Variants in APC observed in about 807,000 individuals in gnomAD.
APC encodes the protein adenomatous polyposis coli protein.
APC carries 72 observed loss-of-function variants against 247.0 expected under a neutral mutation model. That is an observed-to-expected ratio of 0.29 (90% CI 0.24 to 0.35). The LOEUF (loss-of-function observed/expected upper bound fraction) is 0.35. Among genes scored for constraint, APC ranks in the 10% least tolerant of loss-of-function variants. The pLI, the probability that APC is intolerant of heterozygous loss-of-function variation, is 1.00. For missense variants in APC, 3,400 were observed against 3,360.7 expected, an observed-to-expected ratio of 1.01 and a Z score of -0.29; for synonymous variants, 1,254 against 1,162.5, an observed-to-expected ratio of 1.08 and a Z score of -1.60.
intron 1 of APC, chr5:112,707,963 G>A (rs1318307942): frequency 2.4e-6 from 3 of 1,262,986 alleles, no homozygotes; most frequent in Non-Finnish European, 3.1e-6. Flanking sequence ...GGACCCTACG[G>A]TGCTCGGCCC....
intron 7 of APC, among the ~76,000 whole-genome samples, chr5:112,794,736 A>T (rs946769097): frequency 6.6e-6 from 1 of 152,224 alleles, no homozygotes; most frequent in Non-Finnish European, 1.5e-5. Context: ...GCCAGCCACA[A>T]ATGTTGAGTA....
At chr5:112,709,657 T>C (rs1039555390) in intron 1 of APC, among the ~76,000 whole-genome samples, 30 of 152,254 alleles carry the variant, frequency 2.0e-4, no homozygotes, top group African/African-American at 7.2e-4. Flanking sequence ...TCCAGCACTT[T>C]GGGAGAGGCC....
chr5:112,743,901 T>TC (rs1351080957), intron 1 of APC, among the ~76,000 whole-genome samples: 5 of 152,176 alleles, frequency 3.3e-5, no homozygotes, highest in African/African-American at 1.2e-4. Context: ...TTGGTTTTTT[T>TC]CCCTCTGTTG....
At chr5:112,817,722 A>G (rs1432153460) in intron 9 of APC, among the ~76,000 whole-genome samples, 2 of 152,190 alleles carry the variant, frequency 1.3e-5, no homozygotes, top group African/African-American at 4.8e-5. Flanking sequence ...CTACTGTCCT[A>G]TACATGTATT....
chr5:112,711,230 T>C (rs1222700637), intron 1 of APC, among the ~76,000 whole-genome samples: 1 of 152,216 alleles, frequency 6.6e-6, no homozygotes, highest in Non-Finnish European at 1.5e-5. Flanking sequence ...GCCAACCTTG[T>C]TTTGAACTGC....
Position 112,845,758 on chromosome 5 carries a change from A to G in APC, c.*1632A>G, listed in dbSNP as rs1488820430. 4.3e-6 allele frequency: 1 copy of G among 232,034 alleles called. No individual in the cohort carries two copies. Among genetic ancestry groups the G allele is most frequent in the Non-Finnish European group, 8.5e-6 (1 of 117,362 alleles). The allele number at this position is 232,034 out of a possible 1,614,324, so 14.4% of individuals were successfully genotyped here. ...TATTAACTAAGATAATTTACTTAAT[A>G]TATCTTCCCTGATTTGTTTTAAAAG... is the stretch of plus-strand genomic sequence containing the variant. On this transcript the variant is annotated 3_prime_UTR_variant, in exon 16 of 16. Coordinates refer to ENST00000257430, the MANE Select transcript of APC (RefSeq NM_000038.6).
intron 8 of APC, among the ~76,000 whole-genome samples, chr5:112,807,600 G>A (rs974864582): frequency 6.7e-5 from 10 of 150,212 alleles, no homozygotes; most frequent in Non-Finnish European, 1.5e-4. Flanking sequence ...TCTGGTAATA[G>A]CCAGTATATA....
chr5:112,749,477 C>A (rs1377976245), intron 1 of APC, among the ~76,000 whole-genome samples: 18 of 130,818 alleles, frequency 1.4e-4, no homozygotes, highest in Non-Finnish European at 3.2e-5. Context: ...CTTACTGCTC[C>A]AATTTTTTTT....
At chr5:112,788,900 CA>C (rs962019851) in intron 6 of APC, among the ~76,000 whole-genome samples, 5 of 152,108 alleles carry the variant, frequency 3.3e-5, no homozygotes, top group African/African-American at 1.2e-4. Flanking sequence ...CCAGTCCTTA[CA>C]GCGTTTTTTC....
chr5:112,802,067 G>T (rs1368811683), intron 8 of APC, among the ~76,000 whole-genome samples: 3 of 151,890 alleles, frequency 2.0e-5, no homozygotes, highest in Non-Finnish European at 4.4e-5. Context: ...TTTCTTCAAT[G>T]AATATTTTTA....
intron 14 of APC, chr5:112,829,590 A>C (rs1221179690): frequency 2.6e-5 from 4 of 153,680 alleles, no homozygotes; most frequent in Non-Finnish European, 5.8e-5. Flanking sequence ...TTGACCAGAT[A>C]ATTCTTCGTT....
At chr5:112,835,315 C>T (rs1764765989) in intron 15 of APC, 150 bp downstream of exon 15, 1 of 743,104 alleles carries the variant, frequency 1.3e-6, no homozygotes, top group Non-Finnish European at 2.2e-6. Context: ...CTTAGTTTAA[C>T]TCATTAGTGT....
chr5:112,841,350 A>G lies in APC; in HGVS notation c.5756A>G (p.Asn1919Ser), dbSNP rs147740612. The change falls in exon 16 of 16, where the codon AAT becomes AGT. Residue 1919 changes from asparagine to serine, a missense_variant. Physicochemically the swap from Asn to Ser is conservative, Grantham distance 46 (BLOSUM62 1). Around this residue, in one of 9 missense-constraint regions of APC, gnomAD observed 1,788 missense variants for 1,649.5 expected, o/e 1.08. Transcript: ENST00000257430. This position sits in a 1 kb window ranked among gnomAD's most constrained non-coding sequence, Gnocchi z 4.6. ...KTQAIAKQPI[N>S]RGQPKPILQK... Reference sequence around the variant, plus strand: ...CAAGCTATTGCAAAGCAGCCAATAAATCGAGGTCAGCCTAAACCCATACTT... The same window carrying G: ...CAAGCTATTGCAAAGCAGCCAATAAGTCGAGGTCAGCCTAAACCCATACTT... The G allele has an allele frequency of 4.3e-6, 7 of 1,613,792 alleles. No homozygotes were observed. Among genetic ancestry groups the G allele is most frequent in the Non-Finnish European group, 5.9e-6 (7 of 1,179,844 alleles).
At chr5:112,726,678 A>T (rs1006806717) in intron 1 of APC, among the ~76,000 whole-genome samples, 1 of 152,090 alleles carries the variant, frequency 6.6e-6, no homozygotes, top group Admixed American at 6.5e-5. Flanking sequence ...TCCTCTACCC[A>T]GTATTTCCCT....
rs1057517549 is a variant in APC at position 112,842,559 on chromosome 5, A to G, written c.6965A>G (p.Gln2322Arg). ...PAQQPLSRPIQSPGRNSISPG... is the reference protein window; with the variant it reads ...PAQQPLSRPIRSPGRNSISPG... ...CAGCAACCATTAAGTAGACCTATAC[A>G]GTCTCCTGGCCGAAACTCAATTTCC... The change falls in exon 16 of 16, where the codon CAG becomes CGG. Residue 2322 changes from glutamine (Q) to arginine (R), a missense_variant. Gln to Arg is a conservative substitution (Grantham distance 43). Transcript: ENST00000257430. 3.5e-5 allele frequency: 57 copies of G among 1,613,810 alleles called. No individual in the cohort carries two copies. In the East Asian group the frequency reaches 1.3e-3, roughly 36 times the overall value.
Position 112,838,758 on chromosome 5 carries a change from T to G in APC, c.3164T>G (p.Ile1055Arg), listed in dbSNP as rs1554084780. Residue 1055 changes from isoleucine to arginine, a missense_variant, in exon 16 of 16, where the codon ATA (isoleucine) becomes AGA (arginine). Physicochemically the swap from Ile to Arg is moderately conservative, Grantham distance 97. This residue lies in a region of APC where 715 missense variants were observed against 656.6 expected (regional missense o/e 1.09). Transcript: ENST00000257430. Reference protein sequence around the residue: ...QNERWARPKHIIEDEIKQSEQ... With the variant: ...QNERWARPKHRIEDEIKQSEQ... ...GAAAGATGGGCAAGACCCAAACACA[T>G]AATAGAAGATGAAATAAAACAAAGT... is the stretch of plus-strand genomic sequence containing the variant. 12 of 1,614,014 alleles carry G rather than the reference T, an allele frequency of 7.4e-6. No individual in the cohort carries two copies. The highest frequency in any genetic ancestry group is 9.3e-6 in the Non-Finnish European group (11 of 1,179,990).
At chr5:112,753,302 A>G (rs971104874) in intron 1 of APC, among the ~76,000 whole-genome samples, 1 of 152,108 alleles carries the variant, frequency 6.6e-6, no homozygotes, top group Non-Finnish European at 1.5e-5. Context: ...CCCCTTGCCC[A>G]TTGATCAGAG....
rs1274052355 is a variant in APC, at chr5:112,841,646, C to G, written c.6052C>G (p.Pro2018Ala). The G allele has an allele frequency of 1.2e-6, 2 of 1,613,306 alleles. No homozygotes were observed. The highest frequency in any genetic ancestry group is 1.3e-5 in the African/African-American group (1 of 74,890). ...TAAATCATTTCATGTTGAAGATACCCCAGTTTGTTTCTCAAGAAACAGTTC... is the reference window on the plus strand; with the variant it reads ...TAAATCATTTCATGTTGAAGATACCGCAGTTTGTTTCTCAAGAAACAGTTC... ...APKSFHVEDTPVCFSRNSSLS... is the reference protein window; with the variant it reads ...APKSFHVEDTAVCFSRNSSLS... Residue 2018 changes from proline (P) to alanine (A), a missense_variant, in exon 16 of 16, where the codon CCA (proline) becomes GCA (alanine). Transcript: ENST00000257430. This position sits in a 1 kb window ranked among gnomAD's most constrained non-coding sequence, Gnocchi z 4.6.
intron 8 of APC, among the ~76,000 whole-genome samples, chr5:112,804,763 C>T (rs1374218625): frequency 1.3e-5 from 2 of 151,986 alleles, no homozygotes; most frequent in Admixed American, 6.6e-5. Flanking sequence ...GGAGGCCAAG[C>T]GGGAAGGATT....
Sources: gnomAD v4.1 joint callset for allele counts (sites outside exome capture counted in the v4.1 genomes callset) on GRCh38, gnomAD v4.1.1 for gene constraint, gnomAD v4.1.1 regional missense constraint, Gnocchi (gnomAD v3.1) non-coding constraint, MANE v1.5 for transcripts, NCBI Gene and HGNC (gene_info 2026-07-23, HGNC 2026-07-21) for gene names.